The following FUBP1 variants were observed in gnomAD, a reference collection of about 807,000 sequenced individuals.
The protein encoded by FUBP1 is far upstream element-binding protein 1.
In FUBP1, 16 loss-of-function variants were observed where a neutral mutation model predicts 94.9. The observed-to-expected ratio is 0.17, with a 90% CI of 0.11 to 0.26. FUBP1 has a LOEUF of 0.26. FUBP1 is among the 10% of genes least tolerant of loss of function. The probability of loss-of-function intolerance (pLI) is 1.00; values close to 1 mark genes in which losing one functional copy is unlikely to be tolerated. For missense variants in FUBP1, 583 were observed against 808.6 expected (o/e 0.72, Z 3.38); for synonymous variants, 279 against 254.9 (o/e 1.09, Z -0.90).
Position 77,963,779 on chromosome 1 carries a change from T to G in FUBP1, c.1042-64A>C, listed in dbSNP as rs371164491. On this transcript the variant is annotated intron_variant, in intron 12 of 19. Transcript: ENST00000370768. ...GAAATACTTTTGTTTCATGATAAAA[T>G]TATTAAGTTTATTTTTCCCAGCTCT... The G allele has an allele frequency of 3.2e-5, 44 of 1,354,396 alleles. 1 individual carries two copies. In the East Asian group the frequency reaches 3.3e-4, roughly 10 times the overall value. The allele number at this position is 1,354,396 out of a possible 1,614,324, so 83.9% of individuals were successfully genotyped here.
chr1:77,959,074 C>G (rs1219228884), intron 16 of FUBP1, among the ~76,000 whole-genome samples: 1 of 152,178 alleles, frequency 6.6e-6, no homozygotes, highest in East Asian at 1.9e-4. Flanking sequence ...TTCCAAACAG[C>G]ACACTTCCTA....
chr1:77,954,285 A>T (rs905317724), intron 18 of FUBP1, among the ~76,000 whole-genome samples: 5 of 152,248 alleles, frequency 3.3e-5, no homozygotes, highest in Non-Finnish European at 7.3e-5. Flanking sequence ...AACCTTAATC[A>T]GAGTATGCTG....
Position 77,947,244 on chromosome 1 carries a change from TA to T in FUBP1, c.*1521del. On this transcript the variant is annotated 3_prime_UTR_variant, in exon 20 of 20. Coordinates refer to ENST00000370768, the MANE Select transcript of FUBP1 (RefSeq NM_003902.5). ...TTTCTTTAGCTATAGCTAAAGCATA[TA>T]AAAAATACTTACCCATTAAGCTCAC... 1 of 285,018 alleles carries T rather than the reference TA, an allele frequency of 3.5e-6. No individual in the cohort carries two copies. The highest frequency in any genetic ancestry group is 6.8e-6 in the Non-Finnish European group (1 of 146,440). The allele number at this position is 285,018 out of a possible 1,614,324, so 17.7% of individuals were successfully genotyped here.
At chr1:77,968,269 GAATA>G (rs768752705) in intron 2 of FUBP1, 66 bp from the exon 3 acceptor site, 40 of 858,146 alleles carry the variant, frequency 4.7e-5, no homozygotes, top group Admixed American at 8.1e-5. Context: ...TCCCAAACAA[GAATA>G]AATAACAATA....
rs531808062 is a variant in FUBP1 at position 77,966,754 on chromosome 1, A to G, written c.416-3T>C. ...CCTTTCTGGAAGGCCACCACTGTCT[A>G]CAATTTAAAACAAACAGATAACTTC... On this transcript the variant is annotated splice_region_variant and splice_polypyrimidine_tract_variant and intron_variant, in intron 6 of 19. Coordinates refer to ENST00000370768, the MANE Select transcript of FUBP1 (RefSeq NM_003902.5). 1 of 1,543,856 alleles carries G rather than the reference A, an allele frequency of 6.5e-7. No individual in the cohort carries two copies. The highest frequency in any genetic ancestry group is 2.2e-5 in the East Asian group (1 of 44,526).
At chr1:77,978,832 C>T in intron 1 of FUBP1, 53 bp downstream of exon 1, 1 of 1,609,066 alleles carries the variant, frequency 6.2e-7, no homozygotes, top group Non-Finnish European at 8.5e-7. Context: ...CCTACTCAGT[C>T]AGCGGCCAAT....
chr1:77,958,005 T>C (rs1654787118), intron 16 of FUBP1, among the ~76,000 whole-genome samples: 1 of 152,120 alleles, frequency 6.6e-6, no homozygotes, highest in African/African-American at 2.4e-5. Flanking sequence ...TTTGCCAGGC[T>C]GGTCTCCAAC....
At chr1:77,972,771 AAAAAG>A (rs372242562) in intron 1 of FUBP1, among the ~76,000 whole-genome samples, 6,981 of 151,590 alleles carry the variant, frequency 0.046, 225 homozygotes, top group East Asian at 0.081. Context: ...CAAAAAAGAA[AAAAAG>A]AAAAGAAAAG....
At chr1:77,978,585 A>T (rs1269563281) in intron 1 of FUBP1, among the ~76,000 whole-genome samples, 1 of 152,232 alleles carries the variant, frequency 6.6e-6, no homozygotes, top group East Asian at 1.9e-4. Flanking sequence ...ATCCCCTGGA[A>T]GAGGATCTTT....
Position 77,957,680 on chromosome 1 carries a change from AAG to A in FUBP1, c.1577-982_1577-981del, listed in dbSNP as rs1426994487. Among the ~76,000 whole-genome samples, 5 of 152,344 alleles carry A rather than the reference AAG, an allele frequency of 3.3e-5. No individual in the cohort carries two copies. In the East Asian group the frequency reaches 5.8e-4, roughly 18 times the overall value. ...TTAGTCAAGTTTGAGAAAAATGAGC[AAG>A]AATTTCTAGAAAAAGAAAATTGCAA... is the stretch of plus-strand genomic sequence containing the variant. On this transcript the variant is annotated intron_variant, in intron 16 of 19. Transcript: ENST00000370768.
chr1:77,952,590 A>G (rs1359419018), intron 18 of FUBP1, among the ~76,000 whole-genome samples: 1 of 152,192 alleles, frequency 6.6e-6, no homozygotes, highest in African/African-American at 2.4e-5. Context: ...TGAGATAAAG[A>G]TATCTCCCTA....
chr1:77,979,436 G>T (rs1659409712), upstream of FUBP1: 1 of 170,726 alleles, frequency 5.9e-6, no homozygotes, highest in African/African-American at 2.4e-5. Context: ...AGAATTTTCC[G>T]CTATGGGTCA....
intron 1 of FUBP1, among the ~76,000 whole-genome samples, chr1:77,978,512 T>C (rs1659178277): frequency 6.6e-6 from 1 of 152,252 alleles, no homozygotes; most frequent in Non-Finnish European, 1.5e-5. Flanking sequence ...GGACAGACCC[T>C]AGTTCTTTCC....
chr1:77,947,592 A>C lies in FUBP1; in HGVS notation c.*1174T>G. Reference sequence around the variant, plus strand: ...GGCAAGACAGACTGTATTTGCATGTAGTCTAATATATTAATATGCAAAGAG... The same window carrying C: ...GGCAAGACAGACTGTATTTGCATGTCGTCTAATATATTAATATGCAAAGAG... On this transcript the variant is annotated 3_prime_UTR_variant, in exon 20 of 20. Transcript: ENST00000370768. 3 of 1,245,910 alleles carry C rather than the reference A, an allele frequency of 2.4e-6. No homozygotes were observed. Among genetic ancestry groups the C allele is most frequent in the Non-Finnish European group, 3.2e-6 (3 of 929,522 alleles). 77.2% of individuals were successfully genotyped at this position (1,245,910 alleles called of 1,614,324 possible).
At chr1:77,972,791 GAA>G (rs1214500350) in intron 1 of FUBP1, among the ~76,000 whole-genome samples, 2 of 149,982 alleles carry the variant, frequency 1.3e-5, no homozygotes, top group Non-Finnish European at 3.0e-5. Flanking sequence ...GAAAAGAAAA[GAA>G]AAGAAAAAAT....
intron 18 of FUBP1, 97 bp from the exon 19 acceptor site, chr1:77,949,397 C>G: frequency 1.0e-6 from 1 of 996,980 alleles, no homozygotes; most frequent in East Asian, 2.5e-5. Flanking sequence ...AATATTTCTC[C>G]CAAGCCTTTG....
intron 13 of FUBP1, among the ~76,000 whole-genome samples, chr1:77,963,220 A>G (rs1030020524): frequency 2.6e-5 from 4 of 152,336 alleles, no homozygotes; most frequent in Middle Eastern, 3.4e-3. Context: ...AAGCAGTGTA[A>G]ATATAAACTA....
At chr1:77,958,523 T>G (rs189753694) in intron 16 of FUBP1, among the ~76,000 whole-genome samples, 1 of 152,334 alleles carries the variant, frequency 6.6e-6, no homozygotes, top group Admixed American at 6.5e-5. Context: ...ATAAGCAATA[T>G]CCACCCCCAG....
intron 14 of FUBP1, among the ~76,000 whole-genome samples, chr1:77,961,788 T>C (rs926279798): frequency 7.9e-5 from 12 of 152,350 alleles, no homozygotes; most frequent in African/African-American, 2.9e-4. Flanking sequence ...AAAACCAAGA[T>C]GAGTGCTATT....
Sources: gnomAD v4.1 joint callset for allele counts (sites outside exome capture counted in the v4.1 genomes callset) on GRCh38, gnomAD v4.1.1 for gene constraint, MANE v1.5 for transcripts, NCBI Gene and HGNC (gene_info 2026-07-23, HGNC 2026-07-21) for gene names.